AFF3: variants seen among roughly 807,000 people sequenced by gnomAD.
AFF3 encodes the protein ALF transcription elongation factor 3.
A neutral mutation model predicts 129.7 loss-of-function variants in AFF3; 32 were observed. The ratio of observed to expected loss-of-function variants is 0.25; its 90% CI spans 0.19 to 0.33. The LOEUF is 0.33. AFF3 is among the 10% of genes least tolerant of loss of function. The pLI, the probability that AFF3 is intolerant of heterozygous loss-of-function variation, is 1.00. For missense variants in AFF3, 1,373 were observed against 1,592.0 expected, an observed-to-expected ratio of 0.86 and a Z score of 2.34; for synonymous variants, 644 against 635.4, an observed-to-expected ratio of 1.01 and a Z score of -0.20.
intron 18 of AFF3, among the ~76,000 whole-genome samples, chr2:99,575,007 G>A (rs1575399477): frequency 6.6e-6 from 1 of 152,090 alleles, no homozygotes; most frequent in East Asian, 1.9e-4. Context: ...GAAGGAGGCC[G>A]AGAATTAAAT....
chr2:99,837,352 A>G (rs2105791236), intron 8 of AFF3, 125 bp downstream of exon 8: 1 of 883,506 alleles, frequency 1.1e-6, no homozygotes, highest in Admixed American at 2.6e-5. Flanking sequence ...TTATGTGACT[A>G]CTCTCAGAAA....
chr2:100,044,605 T>C (rs1436896171), intron 4 of AFF3, among the ~76,000 whole-genome samples: 1 of 152,118 alleles, frequency 6.6e-6, no homozygotes, highest in Non-Finnish European at 1.5e-5. Context: ...CTCTCACTTT[T>C]TTCCTTCGTG....
At chr2:99,735,183 C>T (rs1382497700) in intron 10 of AFF3, among the ~76,000 whole-genome samples, 1 of 151,868 alleles carries the variant, frequency 6.6e-6, no homozygotes, top group Admixed American at 6.6e-5. Flanking sequence ...TAATTTTGCA[C>T]ATAACATATT....
At position 99,635,158 on chromosome 2, in the gene AFF3, T is replaced by A. The variant is rs776303498; in HGVS notation, c.1184+14468A>T. Among the ~76,000 whole-genome samples the A allele has an allele frequency of 5.3e-5, 8 of 151,818 alleles. 1 individual carries two copies. In the Middle Eastern group the frequency reaches 0.014, roughly 265 times the overall value. On this transcript the variant is annotated intron_variant, in intron 13 of 24. Coordinates refer to ENST00000672756, the MANE Select transcript of AFF3 (RefSeq NM_001386135.1). The stretch of plus-strand genomic sequence containing the variant: ...ATATATACACATATCTCTAGGTATA[T>A]GATATATACACATATCTCTATATAT...
chr2:99,687,672 G>A (rs928715144), intron 11 of AFF3, among the ~76,000 whole-genome samples: 1 of 152,166 alleles, frequency 6.6e-6, no homozygotes, highest in African/African-American at 2.4e-5. Flanking sequence ...CAGGCTGGTG[G>A]CCAGTCAGCT....
chr2:100,016,904 G>A (rs996094800), intron 4 of AFF3, among the ~76,000 whole-genome samples: 14 of 151,654 alleles, frequency 9.2e-5, no homozygotes, highest in African/African-American at 3.2e-4. Flanking sequence ...TGGTGGTGAT[G>A]ATATGGTGGT....
At chr2:99,924,200 GA>G (rs1696064186) in intron 7 of AFF3, among the ~76,000 whole-genome samples, 1 of 152,186 alleles carries the variant, frequency 6.6e-6, no homozygotes, top group East Asian at 1.9e-4. Context: ...GGGGGATTCG[GA>G]AAATTTCCCA....
chr2:99,707,757 C>CT (rs1677541634), intron 11 of AFF3: 1 of 635,954 alleles, frequency 1.6e-6, no homozygotes, highest in African/African-American at 2.0e-5. Context: ...GTGAAGCAGA[C>CT]TTTTTCCATC....
intron 7 of AFF3, among the ~76,000 whole-genome samples, chr2:99,851,451 C>G (rs915302633): frequency 6.6e-6 from 1 of 152,172 alleles, no homozygotes; most frequent in Non-Finnish European, 1.5e-5. Flanking sequence ...TTTACATTTT[C>G]CCTTTCCGCC....
chr2:99,557,211 A>T (rs1017096986), intron 22 of AFF3, among the ~76,000 whole-genome samples: 3 of 151,912 alleles, frequency 2.0e-5, no homozygotes, highest in Non-Finnish European at 4.4e-5. Context: ...TTTTAAAAAT[A>T]GCTTTTGATG....
At chr2:99,980,326 C>G (rs944901057) in intron 7 of AFF3, among the ~76,000 whole-genome samples, 1 of 152,174 alleles carries the variant, frequency 6.6e-6, no homozygotes, top group African/African-American at 2.4e-5. Flanking sequence ...GTCAAGGAGT[C>G]CATGTTTTCT....
intron 7 of AFF3, among the ~76,000 whole-genome samples, chr2:99,939,246 C>T (rs1248323133): frequency 2.6e-5 from 4 of 152,236 alleles, no homozygotes; most frequent in Admixed American, 2.6e-4. Flanking sequence ...ATCTTTGTTC[C>T]ATAAATCCAC....
intron 2 of AFF3, among the ~76,000 whole-genome samples, chr2:100,125,114 A>G (rs1692131132): frequency 1.3e-5 from 2 of 152,212 alleles, no homozygotes; most frequent in African/African-American, 2.4e-5. Flanking sequence ...CAATAACTTT[A>G]TCTTTTAAAG....
intron 7 of AFF3, among the ~76,000 whole-genome samples, chr2:99,944,309 T>C (rs1675351486): frequency 6.6e-6 from 1 of 152,354 alleles, no homozygotes; most frequent in East Asian, 1.9e-4. Flanking sequence ...ATAACATGTA[T>C]TGACTTTTTG....
chr2:99,858,166 T>G (rs1233398754), intron 7 of AFF3, among the ~76,000 whole-genome samples: 1 of 152,102 alleles, frequency 6.6e-6, no homozygotes, highest in African/African-American at 2.4e-5. Flanking sequence ...GCAGATCAGA[T>G]CTGAATTCAA....
intron 12 of AFF3, among the ~76,000 whole-genome samples, chr2:99,652,497 C>T (rs1685352329): frequency 6.6e-6 from 1 of 151,986 alleles, no homozygotes; most frequent in African/African-American, 2.4e-5. Flanking sequence ...GAAAGGAGAG[C>T]AGAAAGAAGG....
chr2:99,817,996 G>A (rs1035891870), intron 8 of AFF3, among the ~76,000 whole-genome samples: 5 of 152,032 alleles, frequency 3.3e-5, no homozygotes, highest in South Asian at 2.1e-4. Flanking sequence ...TCTCTGACTC[G>A]TTTCTGGACC....
At chr2:99,928,091 T>G (rs539443645) in intron 7 of AFF3, among the ~76,000 whole-genome samples, 23 of 152,294 alleles carry the variant, frequency 1.5e-4, no homozygotes, top group Middle Eastern at 3.4e-3. Context: ...TTGTGAGGCC[T>G]CCCTAGCCAC....
At position 100,038,810 on chromosome 2, in the gene AFF3, G is replaced by A. The variant is rs149053305; in HGVS notation, c.54-29878C>T. On this transcript the variant is annotated intron_variant, in intron 4 of 24. Coordinates refer to ENST00000672756, the MANE Select transcript of AFF3 (RefSeq NM_001386135.1). ...GTTATCTCAGCTCACTGCAACCTCC[G>A]CCACCGGGTTCAAGCGATTCTCCTG... Among the ~76,000 whole-genome samples, 434 of 150,788 alleles carry A rather than the reference G, an allele frequency of 2.9e-3. 2 individuals are homozygous for A. Among genetic ancestry groups the A allele is most frequent in the Non-Finnish European group, 4.8e-3 (328 of 67,738 alleles).
Sources: gnomAD v4.1 joint callset for allele counts (sites outside exome capture counted in the v4.1 genomes callset) on GRCh38, gnomAD v4.1.1 for gene constraint, MANE v1.5 for transcripts, NCBI Gene and HGNC (gene_info 2026-07-23, HGNC 2026-07-21) for gene names.